Variants in MYO1D observed in about 807,000 individuals in gnomAD.
MYO1D encodes the protein unconventional myosin-Id.
Under a neutral mutation model 122.0 loss-of-function variants are expected in MYO1D, and 83 were observed. The ratio of observed to expected loss-of-function variants is 0.68; its 90% confidence interval spans 0.57 to 0.82. The LOEUF is 0.82. MYO1D is among the 40% of genes least tolerant of loss of function. MYO1D has a pLI of 0.00. For synonymous variants in MYO1D, 464 were observed against 446.9 expected, an observed-to-expected ratio of 1.04 and a Z score of -0.48; for missense variants, 1,157 against 1,269.5, an observed-to-expected ratio of 0.91 and a Z score of 1.35.
chr17:32,858,880 C>G (rs895921915), intron 1 of MYO1D, among the ~76,000 whole-genome samples: 3 of 152,198 alleles, frequency 2.0e-5, no homozygotes, highest in African/African-American at 2.4e-5. Context: ...CTAGTGGGTA[C>G]TCACTTAAGC....
intron 21 of MYO1D, among the ~76,000 whole-genome samples, chr17:32,522,917 C>T (rs537375992): frequency 1.1e-4 from 16 of 150,432 alleles, no homozygotes; most frequent in Non-Finnish European, 1.9e-4. Context: ...CCTGGGTTCA[C>T]GCCATTCTCC....
chr17:32,847,509 A>T (rs1002946094), intron 1 of MYO1D, among the ~76,000 whole-genome samples: 1 of 152,176 alleles, frequency 6.6e-6, no homozygotes, highest in Non-Finnish European at 1.5e-5. Context: ...TCCCAATGGG[A>T]TAGAATAGTT....
chr17:32,676,160 G>C (rs1344327308), intron 16 of MYO1D, among the ~76,000 whole-genome samples: 1 of 152,104 alleles, frequency 6.6e-6, no homozygotes, highest in Non-Finnish European at 1.5e-5. Flanking sequence ...AATTGCTGTT[G>C]TAATCCCTTT....
chr17:32,814,237 G>A (rs190784979), intron 1 of MYO1D, among the ~76,000 whole-genome samples: 5 of 152,228 alleles, frequency 3.3e-5, no homozygotes, highest in Admixed American at 6.5e-5. Context: ...CCAGCTACTC[G>A]GAAGGCTGAG....
chr17:32,676,685 A>C (rs1005344361), intron 16 of MYO1D, among the ~76,000 whole-genome samples: 3 of 152,292 alleles, frequency 2.0e-5, no homozygotes, highest in African/African-American at 7.2e-5. Context: ...AAGACGACCC[A>C]AGAGACGGCT....
At chr17:32,776,151 G>T in intron 3 of MYO1D, 122 bp from the exon 4 acceptor site, 1 of 791,662 alleles carries the variant, frequency 1.3e-6, no homozygotes, top group Non-Finnish European at 1.9e-6. Flanking sequence ...AGCACTGTTT[G>T]CAATATCAAA....
chr17:32,580,824 G>A (rs2087332004), intron 21 of MYO1D, among the ~76,000 whole-genome samples: 1 of 152,124 alleles, frequency 6.6e-6, no homozygotes, highest in African/African-American at 2.4e-5. Flanking sequence ...GATTTGATTA[G>A]TTATTTTATA....
intron 1 of MYO1D, among the ~76,000 whole-genome samples, chr17:32,795,337 G>A (rs1169727499): frequency 6.6e-6 from 1 of 151,914 alleles, no homozygotes; most frequent in African/African-American, 2.4e-5. Flanking sequence ...ACGGCAAGGA[G>A]AACACATACT....
intron 11 of MYO1D, among the ~76,000 whole-genome samples, chr17:32,754,869 T>A (rs2089931581): frequency 6.6e-6 from 1 of 152,190 alleles, no homozygotes; most frequent in African/African-American, 2.4e-5. Context: ...TATGTCCATA[T>A]CAGCACAAAG....
intron 4 of MYO1D, among the ~76,000 whole-genome samples, chr17:32,774,983 T>C (rs901101586): frequency 6.6e-6 from 1 of 152,176 alleles, no homozygotes; most frequent in Non-Finnish European, 1.5e-5. Context: ...CTTGCAGTCA[T>C]GTCCACTGAT....
chr17:32,662,781 G>A (rs2088584789), intron 16 of MYO1D, among the ~76,000 whole-genome samples: 1 of 152,142 alleles, frequency 6.6e-6, no homozygotes, highest in South Asian at 2.1e-4. Context: ...AGTGTTATGA[G>A]GATTAATGGA....
rs114370695 is a variant in MYO1D at position 32,535,080 on chromosome 17, G to T, written c.2865-40165C>A. ...CTTGCAAAGTAATACAAGACATTTG[G>T]TGTGGACCTGAGAATATTAAATTTA... On this transcript the variant is annotated intron_variant, in intron 21 of 21. Coordinates refer to ENST00000318217, the MANE Select transcript of MYO1D (RefSeq NM_015194.3). Among the ~76,000 whole-genome samples the T allele has an allele frequency of 1.7e-3, 259 of 152,220 alleles. 1 individual carries two copies. Among genetic ancestry groups the T allele is most frequent in the Non-Finnish European group, 3.2e-3 (221 of 68,028 alleles).
At chr17:32,588,599 T>C (rs1446405859) in intron 21 of MYO1D, among the ~76,000 whole-genome samples, 3 of 152,184 alleles carry the variant, frequency 2.0e-5, no homozygotes, top group Non-Finnish European at 4.4e-5. Context: ...ATAACTTCCA[T>C]GAACTGGTAT....
intron 21 of MYO1D, among the ~76,000 whole-genome samples, chr17:32,598,105 G>T (rs1291225977): frequency 2.0e-5 from 3 of 152,108 alleles, no homozygotes; most frequent in Non-Finnish European, 4.4e-5. Flanking sequence ...CAGGCACAGT[G>T]GCTCACGCTT....
intron 6 of MYO1D, among the ~76,000 whole-genome samples, chr17:32,770,556 A>G (rs934871795): frequency 6.6e-6 from 1 of 152,176 alleles, no homozygotes; most frequent in Admixed American, 6.5e-5. Flanking sequence ...TAGAAATAAA[A>G]TGAACTAGAA....
intron 1 of MYO1D, among the ~76,000 whole-genome samples, chr17:32,870,129 G>A (rs1410279083): frequency 1.3e-5 from 2 of 152,096 alleles, no homozygotes; most frequent in African/African-American, 4.8e-5. Context: ...GAAACCAGGC[G>A]GCAGGGTGAT....
At chr17:32,738,196 A>G in intron 14 of MYO1D, 57 bp downstream of exon 14, 1 of 1,438,834 alleles carries the variant, frequency 7.0e-7, no homozygotes. Context: ...ATTCTTTATA[A>G]TACATCAAGA....
intron 21 of MYO1D, among the ~76,000 whole-genome samples, chr17:32,565,800 C>T (rs188705103): frequency 1.5e-3 from 223 of 152,154 alleles, no homozygotes; most frequent in Non-Finnish European, 2.5e-3. Context: ...TCTTGCCTCA[C>T]TGCAACCCCT....
chr17:32,505,868 C>A (rs1022432095), intron 21 of MYO1D, among the ~76,000 whole-genome samples: 1 of 152,112 alleles, frequency 6.6e-6, no homozygotes, highest in Non-Finnish European at 1.5e-5. Flanking sequence ...GGAAAAAAAC[C>A]GTCCACCTAG....
Sources: gnomAD v4.1 joint callset for allele counts (sites outside exome capture counted in the v4.1 genomes callset) on GRCh38, gnomAD v4.1.1 for gene constraint, MANE v1.5 for transcripts, NCBI Gene and HGNC (gene_info 2026-07-23, HGNC 2026-07-21) for gene names.